Variants in MYT1L observed in about 807,000 individuals in gnomAD.
The protein encoded by MYT1L is myelin transcription factor 1 like.
In MYT1L, 12 loss-of-function variants were observed where a neutral mutation model predicts 126.7. That is an observed-to-expected ratio of 0.09 (90% confidence interval 0.06 to 0.15). The LOEUF (loss-of-function observed/expected upper bound fraction) is 0.15, where lower values mean the gene tolerates loss of function less well. Ranked by LOEUF, MYT1L falls within the 10% of genes least tolerant of loss-of-function variation. The pLI is 1.00. For synonymous variants in MYT1L, 541 were observed against 604.2 expected, an observed-to-expected ratio of 0.90 and a Z score of 1.53; for missense variants, 979 against 1,585.2, an observed-to-expected ratio of 0.62 and a Z score of 6.49.
chr2:2,026,526 C>T (rs2065600524), intron 4 of MYT1L, among the ~76,000 whole-genome samples: 1 of 152,240 alleles, frequency 6.6e-6, no homozygotes, highest in African/African-American at 2.4e-5. Context: ...AGCCAACCAG[C>T]TAATTGCTCA....
intron 2 of MYT1L, among the ~76,000 whole-genome samples, chr2:2,220,724 G>A (rs1004132298): frequency 6.6e-6 from 1 of 152,078 alleles, no homozygotes; most frequent in Non-Finnish European, 1.5e-5. Context: ...ATCATGTTAT[G>A]CCAGAGTCAG....
chr2:2,058,273 T>C (rs1458677206), intron 3 of MYT1L, among the ~76,000 whole-genome samples: 1 of 152,272 alleles, frequency 6.6e-6, no homozygotes, highest in Non-Finnish European at 1.5e-5. Flanking sequence ...TCTTACTACA[T>C]TGTTTTAAAT....
chr2:1,920,837 T>G (rs1023547383), intron 10 of MYT1L, among the ~76,000 whole-genome samples: 1 of 152,104 alleles, frequency 6.6e-6, no homozygotes, highest in African/African-American at 2.4e-5. Flanking sequence ...AGCTAGAGAG[T>G]CTACTGATTC....
chr2:2,030,795 T>C (rs1574659873), intron 4 of MYT1L, among the ~76,000 whole-genome samples: 1 of 152,334 alleles, frequency 6.6e-6, no homozygotes, highest in East Asian at 1.9e-4. Flanking sequence ...TGATATGATG[T>C]GTAATCATTT....
intron 3 of MYT1L, among the ~76,000 whole-genome samples, chr2:2,082,566 T>C (rs1013059938): frequency 3.3e-5 from 5 of 152,200 alleles, no homozygotes; most frequent in East Asian, 3.9e-4. Flanking sequence ...TATAACATTG[T>C]AACATTTATA....
At chr2:1,988,263 C>G (rs751925274) in intron 5 of MYT1L, among the ~76,000 whole-genome samples, 17 of 152,180 alleles carry the variant, frequency 1.1e-4, no homozygotes, top group Non-Finnish European at 2.1e-4. Context: ...GTGCCACATT[C>G]CCGCCTGCAC....
intron 2 of MYT1L, among the ~76,000 whole-genome samples, chr2:2,175,104 C>T (rs549196839): frequency 2.6e-5 from 4 of 151,946 alleles, no homozygotes; most frequent in African/African-American, 9.7e-5. Flanking sequence ...TCAGTGGTTT[C>T]GGGAATTATC....
At chr2:2,005,740 CTTCTTTCCTGCAGGCG>C (rs1355643530) in intron 4 of MYT1L, among the ~76,000 whole-genome samples, 4 of 130,666 alleles carry the variant, frequency 3.1e-5, no homozygotes, top group East Asian at 4.8e-4. Flanking sequence ...TCCTGTGTGC[CTTCTTTCCTGCAGGCG>C]TTCTTTCCTG....
chr2:1,928,035 C>G (rs531020776), intron 9 of MYT1L, among the ~76,000 whole-genome samples: 6 of 152,128 alleles, frequency 3.9e-5, no homozygotes, highest in Admixed American at 6.5e-5. Flanking sequence ...CTCACTGCAG[C>G]CTCATTCCCC....
intron 18 of MYT1L, among the ~76,000 whole-genome samples, chr2:1,879,300 T>C (rs566145748): frequency 6.6e-6 from 1 of 152,314 alleles, no homozygotes; most frequent in East Asian, 1.9e-4. Flanking sequence ...TATAAATTAG[T>C]GAAGTGTTTA....
At chr2:1,936,338 C>G (rs571833436) in intron 9 of MYT1L, among the ~76,000 whole-genome samples, 45 of 152,310 alleles carry the variant, frequency 3.0e-4, no homozygotes, top group African/African-American at 1.0e-3. Context: ...TAATTTAGCA[C>G]AGTTTGCATG....
chr2:2,033,440 T>C (rs2066625671), intron 4 of MYT1L, among the ~76,000 whole-genome samples: 1 of 151,002 alleles, frequency 6.6e-6, no homozygotes, highest in Admixed American at 6.6e-5. Flanking sequence ...AGGAGGGCCT[T>C]ATACACACCG....
chr2:2,122,867 G>GTT (rs2081220418), intron 3 of MYT1L, among the ~76,000 whole-genome samples: 3 of 148,728 alleles, frequency 2.0e-5, no homozygotes, highest in African/African-American at 7.7e-5. Context: ...GTGTGTGTGT[G>GTT]TGTGTGAGAG....
chr2:2,239,338 A>G (rs967267520), intron 2 of MYT1L, among the ~76,000 whole-genome samples: 5 of 152,266 alleles, frequency 3.3e-5, no homozygotes, highest in Non-Finnish European at 5.9e-5. Flanking sequence ...AAGTTGCCTC[A>G]TGAACGTTTT....
intron 20 of MYT1L, among the ~76,000 whole-genome samples, chr2:1,840,349 G>A (rs1037969683): frequency 1.3e-5 from 2 of 152,082 alleles, no homozygotes; most frequent in Non-Finnish European, 2.9e-5. Flanking sequence ...TTAGAGCAAG[G>A]CAGGGTATAA....
intron 1 of MYT1L, among the ~76,000 whole-genome samples, chr2:2,312,926 T>A (rs1178067640): frequency 6.6e-6 from 1 of 152,080 alleles, no homozygotes; most frequent in Non-Finnish European, 1.5e-5. Flanking sequence ...GGAATGTATC[T>A]TTGGCTACTT....
rs926596364 is a variant in MYT1L at position 2,301,241 on chromosome 2, C to T, written c.-520-16738G>A. Among the ~76,000 whole-genome samples, 12 of 152,266 alleles carry T rather than the reference C, an allele frequency of 7.9e-5. 2 individuals are homozygous for T. The South Asian group carries it at 2.1e-3, about 26-fold the overall frequency. Reference sequence around the variant, plus strand: ...TCTTTTCTTTGTTTCCAAGACTCTCCCTGCCTCTGTCTCTGTCTTTTTTCC... The same window carrying T: ...TCTTTTCTTTGTTTCCAAGACTCTCTCTGCCTCTGTCTCTGTCTTTTTTCC... On this transcript the variant is annotated intron_variant, in intron 1 of 24. Coordinates refer to ENST00000647738, the MANE Select transcript of MYT1L (RefSeq NM_001303052.2).
intron 18 of MYT1L, among the ~76,000 whole-genome samples, chr2:1,870,473 G>T (rs1266539914): frequency 6.6e-6 from 1 of 152,208 alleles, no homozygotes; most frequent in East Asian, 1.9e-4. Flanking sequence ...GCCATAGAGG[G>T]TCGGTCTGCT....
chr2:2,085,831 A>G (rs2076295312), intron 3 of MYT1L, among the ~76,000 whole-genome samples: 1 of 152,146 alleles, frequency 6.6e-6, no homozygotes, highest in Admixed American at 6.5e-5. Flanking sequence ...TCTCTGAGAC[A>G]CCGCGCTCTC....
Sources: gnomAD v4.1 joint callset for allele counts (sites outside exome capture counted in the v4.1 genomes callset) on GRCh38, gnomAD v4.1.1 for gene constraint, MANE v1.5 for transcripts, NCBI Gene and HGNC (gene_info 2026-07-23, HGNC 2026-07-21) for gene names.